Variants in MED13L observed in about 807,000 individuals in gnomAD.
The protein encoded by MED13L is mediator of RNA polymerase II transcription subunit 13-like.
A neutral mutation model predicts 220.9 loss-of-function variants in MED13L; 7 were observed. The ratio of observed to expected loss-of-function variants is 0.03; its 90% confidence interval spans 0.02 to 0.06. MED13L has a LOEUF of 0.06. Among genes scored for constraint, MED13L ranks in the 10% least tolerant of loss-of-function variants. MED13L has a pLI of 1.00. For synonymous variants in MED13L, 1,011 were observed against 1,015.2 expected (o/e 1.00, Z 0.08); for missense variants, 1,965 against 2,760.5 (o/e 0.71, Z 6.46).
chr12:116,215,561 C>T (rs1882943039), intron 2 of MED13L, among the ~76,000 whole-genome samples: 1 of 152,184 alleles, frequency 6.6e-6, no homozygotes, highest in Admixed American at 6.6e-5. Flanking sequence ...GGGATCGTAT[C>T]TTCCTTACTT....
chr12:115,995,237 A>G (rs1878323690), intron 16 of MED13L, among the ~76,000 whole-genome samples: 1 of 152,162 alleles, frequency 6.6e-6, no homozygotes, highest in African/African-American at 2.4e-5. Flanking sequence ...TTGGTTCCTT[A>G]AGCTCAGCAC....
intron 1 of MED13L, among the ~76,000 whole-genome samples, chr12:116,269,520 A>G (rs1873102269): frequency 6.6e-6 from 1 of 150,916 alleles, no homozygotes; most frequent in African/African-American, 2.4e-5. Flanking sequence ...CACTCAACTC[A>G]AGAGGATCCT....
chr12:116,119,250 T>C (rs939576056), intron 2 of MED13L, among the ~76,000 whole-genome samples: 15 of 152,266 alleles, frequency 9.9e-5, no homozygotes, highest in African/African-American at 3.6e-4. Context: ...GTCGACACCT[T>C]TGACTCTGAA....
At chr12:116,138,919 G>T (rs773761832) in intron 2 of MED13L, among the ~76,000 whole-genome samples, 5 of 152,164 alleles carry the variant, frequency 3.3e-5, no homozygotes, top group African/African-American at 2.4e-5. Flanking sequence ...CCTCCCTTAA[G>T]TGCCTATTTG....
intron 1 of MED13L, chr12:116,276,349 T>TGTGTGTGTGTGTGC (rs1171651334): frequency 3.1e-6 from 2 of 645,978 alleles, no homozygotes; most frequent in Non-Finnish European, 4.8e-6. Flanking sequence ...TGTGTGTGTG[T>TGTGTGTGTGTGTGC]GTGCGGATTC....
At chr12:116,123,719 C>G (rs1875295799) in intron 2 of MED13L, among the ~76,000 whole-genome samples, 1 of 152,138 alleles carries the variant, frequency 6.6e-6, no homozygotes. Context: ...TGAAATGCAG[C>G]TGTCTCGTTG....
chr12:116,006,233 T>C (rs1879038380), intron 12 of MED13L, 73 bp downstream of exon 12: 1 of 1,400,866 alleles, frequency 7.1e-7, no homozygotes, highest in Non-Finnish European at 1.0e-6. Flanking sequence ...AATAAAATTT[T>C]ACATTGAGAA....
At chr12:116,268,237 C>T (rs925540343) in intron 1 of MED13L, among the ~76,000 whole-genome samples, 4 of 152,152 alleles carry the variant, frequency 2.6e-5, no homozygotes, top group Non-Finnish European at 4.4e-5. Context: ...AACATTTGAA[C>T]TTCTTAAGTA....
chr12:116,169,860 A>G (rs2138177499), intron 2 of MED13L, among the ~76,000 whole-genome samples: 1 of 152,248 alleles, frequency 6.6e-6, no homozygotes, highest in Middle Eastern at 3.4e-3. Flanking sequence ...AATCTTTTTT[A>G]ACAAAAATCA....
chr12:116,225,252 C>A (rs1868855997), intron 2 of MED13L, among the ~76,000 whole-genome samples: 1 of 152,014 alleles, frequency 6.6e-6, no homozygotes, highest in South Asian at 2.1e-4. Flanking sequence ...GTCATTTAAC[C>A]TTTTTTTCAC....
intron 4 of MED13L, among the ~76,000 whole-genome samples, chr12:116,065,650 C>A (rs1593003651): frequency 6.6e-6 from 1 of 152,182 alleles, no homozygotes; most frequent in Admixed American, 6.5e-5. Context: ...TGCATTCTGG[C>A]AGCACATCAA....
intron 2 of MED13L, among the ~76,000 whole-genome samples, chr12:116,156,429 A>G (rs888289124): frequency 1.4e-5 from 2 of 145,844 alleles, no homozygotes; most frequent in Non-Finnish European, 3.0e-5. Context: ...AAAAACTTTT[A>G]TAGTCCAAAA....
chr12:116,115,049 T>C (rs1017807603), intron 2 of MED13L, among the ~76,000 whole-genome samples: 2 of 152,202 alleles, frequency 1.3e-5, no homozygotes, highest in African/African-American at 2.4e-5. Context: ...TTTATAGAAA[T>C]AGCTGAGCTG....
rs371880266 is a variant in MED13L at position 116,154,573 on chromosome 12, C to T, written c.311-43061G>A. Among the ~76,000 whole-genome samples the T allele has an allele frequency of 7.2e-5, 11 of 152,156 alleles. No individual in the cohort carries two copies. In the East Asian group the frequency reaches 1.3e-3, roughly 19 times the overall value. ...GAAACTCTCTGTTCAGAATGACATT[C>T]TCTGAGGGTTCCAGATAATTAAGTA... On this transcript the variant is annotated intron_variant, in intron 2 of 30. Coordinates refer to ENST00000281928, the MANE Select transcript of MED13L (RefSeq NM_015335.5).
At chr12:116,093,620 C>A (rs191696899) in intron 4 of MED13L, among the ~76,000 whole-genome samples, 1 of 151,752 alleles carries the variant, frequency 6.6e-6, no homozygotes, top group Non-Finnish European at 1.5e-5. Flanking sequence ...CTAAAATATG[C>A]AGTATGAGAA....
At chr12:116,096,448 A>G (rs1342982326) in intron 4 of MED13L, among the ~76,000 whole-genome samples, 1 of 151,372 alleles carries the variant, frequency 6.6e-6, no homozygotes, top group Non-Finnish European at 1.5e-5. Context: ...TAGTATAGTA[A>G]TATGTGGCTT....
intron 2 of MED13L, among the ~76,000 whole-genome samples, chr12:116,208,535 C>T (rs1002348176): frequency 2.0e-5 from 3 of 152,238 alleles, no homozygotes; most frequent in African/African-American, 4.8e-5. Context: ...GGAAAGTTAA[C>T]GTAGATACAT....
chr12:116,165,308 G>A (rs1488743016), intron 2 of MED13L, among the ~76,000 whole-genome samples: 22 of 86,086 alleles, frequency 2.6e-4, no homozygotes, highest in African/African-American at 1.0e-3. Flanking sequence ...CAAACTTTCT[G>A]ACTAGAATGC....
intron 2 of MED13L, among the ~76,000 whole-genome samples, chr12:116,224,635 T>C (rs1868777323): frequency 6.6e-6 from 1 of 152,194 alleles, no homozygotes; most frequent in Non-Finnish European, 1.5e-5. Flanking sequence ...CATGTAACAA[T>C]GGTAACACCT....
Sources: gnomAD v4.1 joint callset for allele counts (sites outside exome capture counted in the v4.1 genomes callset) on GRCh38, gnomAD v4.1.1 for gene constraint, MANE v1.5 for transcripts, NCBI Gene and HGNC (gene_info 2026-07-23, HGNC 2026-07-21) for gene names.